Variants in CEMIP2 observed in about 807,000 individuals in gnomAD.
CEMIP2 encodes the protein cell migration inducing hyaluronidase 2.
A neutral mutation model predicts 146.9 loss-of-function variants in CEMIP2; 79 were observed. The observed-to-expected ratio is 0.54, with a 90% CI of 0.45 to 0.65. The LOEUF (loss-of-function observed/expected upper bound fraction) is 0.65. Among genes scored for constraint, CEMIP2 ranks in the 30% least tolerant of loss-of-function variants. The pLI, the probability that CEMIP2 is intolerant of heterozygous loss-of-function variation, is 0.00. For synonymous variants in CEMIP2, 601 were observed against 606.3 expected (o/e 0.99, Z 0.13); for missense variants, 1,596 against 1,696.2 (o/e 0.94, Z 1.04).
chr9:71,699,504 G>C (rs1822497840), intron 19 of CEMIP2: 1 of 416,226 alleles, frequency 2.4e-6, no homozygotes, highest in African/African-American at 2.1e-5. Context: ...TTAAAAATTG[G>C]AGACAATTAT....
At chr9:71,720,273 C>G (rs913753272) in intron 12 of CEMIP2, among the ~76,000 whole-genome samples, 1 of 152,068 alleles carries the variant, frequency 6.6e-6, no homozygotes, top group Non-Finnish European at 1.5e-5. Context: ...CAAGGAAAGG[C>G]TTATGTGATT....
intron 2 of CEMIP2, among the ~76,000 whole-genome samples, chr9:71,747,953 C>T (rs1253163721): frequency 6.6e-6 from 1 of 152,134 alleles, no homozygotes; most frequent in Non-Finnish European, 1.5e-5. Flanking sequence ...ATACTAAAAA[C>T]AATCTTTAAG....
intron 7 of CEMIP2, among the ~76,000 whole-genome samples, chr9:71,731,562 C>CA (rs1823616630): frequency 6.6e-6 from 1 of 151,858 alleles, no homozygotes; most frequent in Non-Finnish European, 1.5e-5. Flanking sequence ...AACCTTGTCT[C>CA]AAAAAAACAA....
At position 71,740,239 on chromosome 9, in the gene CEMIP2, G is replaced by T; in HGVS notation, c.1035-7C>A. ...AACTAAAGCCCAAGCTTGCCTAGAA[G>T]GAAAAAGAGCATGTGCATTTGATTA... is the stretch of plus-strand genomic sequence containing the variant. On this transcript the variant is annotated splice_polypyrimidine_tract_variant and splice_region_variant and intron_variant, in intron 4 of 23. Coordinates refer to ENST00000377044, the MANE Select transcript of CEMIP2 (RefSeq NM_013390.3). 1 of 1,611,168 alleles carries T rather than the reference G, an allele frequency of 6.2e-7. No individual in the cohort carries two copies. Among genetic ancestry groups the T allele is most frequent in the South Asian group, 1.1e-5 (1 of 90,976 alleles).
intron 10 of CEMIP2, among the ~76,000 whole-genome samples, chr9:71,728,319 G>GTATATA (rs371027741): frequency 3.0e-5 from 1 of 32,968 alleles, no homozygotes; most frequent in Admixed American, 3.4e-4. Context: ...ATATATATAC[G>GTATATA]TATATATATA....
At chr9:71,711,096 G>A (rs1466114775) in intron 16 of CEMIP2, among the ~76,000 whole-genome samples, 4 of 152,214 alleles carry the variant, frequency 2.6e-5, no homozygotes, top group Non-Finnish European at 4.4e-5. Flanking sequence ...GAACTGGCAA[G>A]ATGATGAAAG....
rs1255676463 is a variant in CEMIP2, at chr9:71,715,125, C to T, written c.2436-36G>A. ...GCGAACAATCATTAGCTACATTTCT[C>T]CAGAAAATTTAAATGTATTCCCAAA... On this transcript the variant is annotated intron_variant, in intron 14 of 23. Coordinates refer to ENST00000377044, the MANE Select transcript of CEMIP2 (RefSeq NM_013390.3). 5 of 1,601,712 alleles carry T rather than the reference C, an allele frequency of 3.1e-6. No individual in the cohort carries two copies. The East Asian group carries it at 9.0e-5, about 29-fold the overall frequency.
At chr9:71,703,421 C>T (rs1289994127) in intron 18 of CEMIP2, among the ~76,000 whole-genome samples, 1 of 152,200 alleles carries the variant, frequency 6.6e-6, no homozygotes, top group East Asian at 1.9e-4. Flanking sequence ...CTAACAATCT[C>T]AGAACAAGGG....
chr9:71,728,811 G>A (rs1427410080), intron 10 of CEMIP2, among the ~76,000 whole-genome samples: 1 of 84,124 alleles, frequency 1.2e-5, no homozygotes, highest in Non-Finnish European at 2.9e-5. Context: ...TTTTTGTGGG[G>A]TTTTTGTGTG....
rs1554684804 is a variant in CEMIP2 at position 71,728,302 on chromosome 9, C to CACGTATATAT, written c.2049+1542_2049+1543insATATATACGT. ...ATATGTATATATATATATATATATA[C>CACGTATATAT]ATATATATATATATACGTATATATA... On this transcript the variant is annotated intron_variant, in intron 10 of 23. Coordinates refer to ENST00000377044, the MANE Select transcript of CEMIP2 (RefSeq NM_013390.3). 6.5e-3 allele frequency among the ~76,000 whole-genome samples: 75 copies of CACGTATATAT among 11,576 alleles called. 8 individuals are homozygous for CACGTATATAT. The highest frequency in any genetic ancestry group is 9.8e-3 in the Non-Finnish European group (66 of 6,758). 7.6% of individuals were successfully genotyped at this position (11,576 alleles called of 152,430 possible).
chr9:71,725,650 C>G lies in CEMIP2; in HGVS notation c.2109G>C (p.Gln703His). 6.2e-7 allele frequency: 1 copy of G among 1,614,016 alleles called. No homozygotes were observed. The highest frequency in any genetic ancestry group is 8.5e-7 in the Non-Finnish European group (1 of 1,179,958). ...GAGTGAGTTCTGGTTTTGCCAAGAG[C>G]TGCAATCCACTGGATTCCCCAGTTG... ...KEPTGESSGL[Q>H]LLAKPELTPL... The change falls in exon 11 of 24, where the codon CAG (glutamine) becomes CAC (histidine). Residue 703 changes from glutamine (Q) to histidine (H), a missense_variant. By Grantham distance (24) the Gln-to-His change is conservative. Transcript: ENST00000377044.
At chr9:71,768,094 G>A (rs180765872) in intron 1 of CEMIP2, among the ~76,000 whole-genome samples, 66 of 152,326 alleles carry the variant, frequency 4.3e-4, no homozygotes, top group Admixed American at 3.4e-3. Flanking sequence ...CCGTTCCCGA[G>A]GACCCTTTCT....
At chr9:71,755,277 A>G (rs1014143776) in intron 1 of CEMIP2, among the ~76,000 whole-genome samples, 5 of 148,744 alleles carry the variant, frequency 3.4e-5, no homozygotes, top group Non-Finnish European at 5.9e-5. Flanking sequence ...TTGGGGGGTC[A>G]ATATGGGAGG....
chr9:71,716,730 C>T (rs190809983), intron 13 of CEMIP2, among the ~76,000 whole-genome samples, 178 bp from the exon 14 acceptor site: 1 of 152,252 alleles, frequency 6.6e-6, no homozygotes, highest in Admixed American at 6.5e-5. Context: ...GTGAGGGCAC[C>T]CAGTTCAAAT....
chr9:71,761,836 G>A (rs1250606337), intron 1 of CEMIP2, among the ~76,000 whole-genome samples: 1 of 152,210 alleles, frequency 6.6e-6, no homozygotes, highest in Admixed American at 6.5e-5. Context: ...GGTGGGCTGA[G>A]GAGGTGATTG....
chr9:71,700,830 A>C lies in CEMIP2; in HGVS notation c.3195-6T>G. ...CAACTCGAATCCAGTCATTCCTTTA[A>C]AGGAGAAACATAAAAAAATTAGTTT... On this transcript the variant is annotated splice_polypyrimidine_tract_variant and splice_region_variant and intron_variant, in intron 18 of 23. Transcript: ENST00000377044. The C allele has an allele frequency of 6.3e-7, 1 of 1,598,746 alleles. No individual in the cohort carries two copies.
At chr9:71,750,562 C>G (rs1392253465) in intron 1 of CEMIP2, among the ~76,000 whole-genome samples, 177 bp from the exon 2 acceptor site, 1 of 152,000 alleles carries the variant, frequency 6.6e-6, no homozygotes, top group Non-Finnish European at 1.5e-5. Context: ...CTGCCTCAGC[C>G]TCCCGAGTAG....
Position 71,715,034 on chromosome 9 carries a change from A to G in CEMIP2, c.2491T>C (p.Phe831Leu), listed in dbSNP as rs750902905. Residue 831 changes from phenylalanine (F) to leucine (L), a missense_variant, in exon 15 of 24, where the codon TTT (phenylalanine) becomes CTT (leucine). Phe to Leu is a conservative substitution (Grantham distance 22). Coordinates refer to ENST00000377044, the MANE Select transcript of CEMIP2 (RefSeq NM_013390.3). ...CCGTAATTCCTGCTCTCCCCAACAA[A>G]GAGAGATTCAGATACCTCTTGGCTG... ...GSSQEVSESL[F>L]VGESRNYGFQ... 2.8e-5 allele frequency: 45 copies of G among 1,613,846 alleles called. 1 individual carries two copies. In the Middle Eastern group the frequency reaches 4.9e-4, roughly 18 times the overall value.
chr9:71,745,813 T>C (rs1406671842), intron 3 of CEMIP2, among the ~76,000 whole-genome samples: 1 of 152,208 alleles, frequency 6.6e-6, no homozygotes, highest in Non-Finnish European at 1.5e-5. Flanking sequence ...TCATTTCTCT[T>C]AAAAATATCT....
Sources: gnomAD v4.1 joint callset for allele counts (sites outside exome capture counted in the v4.1 genomes callset) on GRCh38, gnomAD v4.1.1 for gene constraint, MANE v1.5 for transcripts, NCBI Gene and HGNC (gene_info 2026-07-23, HGNC 2026-07-21) for gene names.